Variants in RYR2 observed in about 807,000 individuals in gnomAD.
RYR2 encodes ryanodine receptor 2.
Under a neutral mutation model 601.1 loss-of-function variants are expected in RYR2, and 227 were observed. The observed-to-expected ratio is 0.38, with a 90% CI of 0.34 to 0.42. RYR2 has a LOEUF of 0.42. Ranked by LOEUF, RYR2 falls within the 10% of genes least tolerant of loss-of-function variation. The pLI is 1.00. For synonymous variants in RYR2, 2,223 were observed against 2,175.1 expected, an observed-to-expected ratio of 1.02 and a Z score of -0.61; for missense variants, 4,646 against 6,156.5, an observed-to-expected ratio of 0.75 and a Z score of 8.21.
In RYR2 at chr1:237,281,005, G is replaced by C. The variant is rs1572457909; in HGVS notation, c.168+10389G>C. ...TCACCATGTTGGCCAAGCTGGTCTC[G>C]AACTCCTGACCTTAGGTGATCCGCC... On this transcript the variant is annotated intron_variant, in intron 2 of 104. Coordinates refer to ENST00000366574, the MANE Select transcript of RYR2 (RefSeq NM_001035.3). 2.0e-5 allele frequency among the ~76,000 whole-genome samples: 3 copies of C among 151,960 alleles called. 1 individual carries two copies. In the South Asian group the frequency reaches 6.3e-4, roughly 32 times the overall value.
intron 2 of RYR2, among the ~76,000 whole-genome samples, chr1:237,303,794 A>G (rs1335893303): frequency 6.6e-6 from 1 of 152,084 alleles, no homozygotes; most frequent in Non-Finnish European, 1.5e-5. Flanking sequence ...GTGATAACTC[A>G]AATACATTTG....
chr1:237,283,648 A>G (rs533322749), intron 2 of RYR2, among the ~76,000 whole-genome samples: 4 of 152,226 alleles, frequency 2.6e-5, no homozygotes, highest in Non-Finnish European at 4.4e-5. Flanking sequence ...CAAAGAATAC[A>G]CAGCCACTGT....
intron 22 of RYR2, among the ~76,000 whole-genome samples, chr1:237,505,210 A>G (rs1382526194): frequency 6.6e-6 from 1 of 152,216 alleles, no homozygotes; most frequent in Non-Finnish European, 1.5e-5. Flanking sequence ...TTACTTGGCA[A>G]ATAGTCACCC....
At chr1:237,353,202 AC>A (rs142523346) in intron 3 of RYR2, among the ~76,000 whole-genome samples, 18,731 of 152,060 alleles carry the variant, frequency 0.12, 1,449 homozygotes, top group East Asian at 0.33. Context: ...AAGCAAGCAA[AC>A]TTTTTTTAAA....
chr1:237,650,784 G>C (rs1485757297), intron 50 of RYR2, among the ~76,000 whole-genome samples: 2 of 152,220 alleles, frequency 1.3e-5, no homozygotes, highest in Non-Finnish European at 2.9e-5. Context: ...ATGGGGGAGT[G>C]TCTGGGTTGA....
intron 24 of RYR2, among the ~76,000 whole-genome samples, chr1:237,527,966 C>T (rs12061334): frequency 0.07 from 10,717 of 152,240 alleles, 449 homozygotes; most frequent in Middle Eastern, 0.17. Flanking sequence ...GTCCCCCTGG[C>T]CCATGCTGTA....
intron 1 of RYR2, among the ~76,000 whole-genome samples, chr1:237,218,581 T>C (rs1252559340): frequency 2.0e-5 from 3 of 152,198 alleles, no homozygotes; most frequent in Non-Finnish European, 2.9e-5. Flanking sequence ...CAAAAAAATT[T>C]CTTTCAACTT....
At chr1:237,503,624 G>A in intron 22 of RYR2, 119 bp downstream of exon 22, 1 of 842,926 alleles carries the variant, frequency 1.2e-6, no homozygotes, top group Non-Finnish European at 1.9e-6. Flanking sequence ...TTGTACAGTT[G>A]ACATGTAGGA....
chr1:237,562,768 C>T (rs1671582347), intron 27 of RYR2, among the ~76,000 whole-genome samples: 1 of 152,020 alleles, frequency 6.6e-6, no homozygotes, highest in African/African-American at 2.4e-5. Flanking sequence ...ATAAATATAT[C>T]GTGTTTAAAA....
At chr1:237,393,158 G>T (rs1458389468) in intron 10 of RYR2, among the ~76,000 whole-genome samples, 2 of 152,060 alleles carry the variant, frequency 1.3e-5, no homozygotes, top group Non-Finnish European at 2.9e-5. Flanking sequence ...GAGAAAGCTT[G>T]TTCTTCTTCC....
Position 237,778,770 on chromosome 1 carries a change from G to A in RYR2, c.11880G>A (p.Gln3960=). The change falls in exon 88 of 105, where the codon CAG becomes CAA. Residue 3960 remains glutamine (Q), a splice_region_variant and synonymous_variant. Coordinates refer to ENST00000366574, the MANE Select transcript of RYR2 (RefSeq NM_001035.3). ...CCCATATGCAGATGAAGCTGTCGCAGGTAAACTAACTAACTGCCTTCCTCT... is the reference window on the plus strand; with the variant it reads ...CCCATATGCAGATGAAGCTGTCGCAAGTAAACTAACTAACTGCCTTCCTCT... ...VFAHMQMKLS[Q]DSSQIELLKE... 1 of 1,551,336 alleles carries A rather than the reference G, an allele frequency of 6.4e-7. No homozygotes were observed. The highest frequency in any genetic ancestry group is 8.9e-7 in the Non-Finnish European group (1 of 1,123,192).
chr1:237,318,854 C>T (rs1695344955), intron 2 of RYR2, among the ~76,000 whole-genome samples: 2 of 152,092 alleles, frequency 1.3e-5, no homozygotes, highest in Non-Finnish European at 2.9e-5. Flanking sequence ...TATTTTTCAT[C>T]AAATTGGAAG....
At chr1:237,577,179 A>G (rs1673314086) in intron 29 of RYR2, among the ~76,000 whole-genome samples, 1 of 152,318 alleles carries the variant, frequency 6.6e-6, no homozygotes, top group Admixed American at 6.5e-5. Flanking sequence ...ACTATTCACA[A>G]TTGCCAAAGC....
intron 42 of RYR2, among the ~76,000 whole-genome samples, chr1:237,631,853 C>T (rs561581238): frequency 1.3e-3 from 157 of 120,306 alleles, no homozygotes; most frequent in Non-Finnish European, 2.0e-3. Flanking sequence ...TGGTCTCGAT[C>T]TCCTGACCTC....
intron 17 of RYR2, among the ~76,000 whole-genome samples, chr1:237,484,113 C>T (rs551545944): frequency 9.9e-4 from 150 of 152,228 alleles, no homozygotes; most frequent in African/African-American, 3.4e-3. Flanking sequence ...GAAAGGGTTT[C>T]CATGTCATGA....
chr1:237,355,591 C>A (rs1434541049), intron 3 of RYR2, among the ~76,000 whole-genome samples: 1 of 152,084 alleles, frequency 6.6e-6, no homozygotes, highest in Non-Finnish European at 1.5e-5. Flanking sequence ...CTAAATTGAT[C>A]TTTTTAATTA....
At position 237,614,138 on chromosome 1, in the gene RYR2, C is replaced by T. The variant is rs562273071; in HGVS notation, c.5010C>T (p.His1670=). The T allele has an allele frequency of 5.6e-6, 9 of 1,614,042 alleles. No individual in the cohort carries two copies. The South Asian group carries it at 7.7e-5, about 14-fold the overall frequency. ...CAGCCGTCTGTGCTCTTGGGAACCACCGGGTGGCCCATGCCCTGTGCAGCC... is the reference window on the plus strand; with the variant it reads ...CAGCCGTCTGTGCTCTTGGGAACCATCGGGTGGCCCATGCCCTGTGCAGCC... ...LYSAVCALGN[H]RVAHALCSHV... is the part of the protein sequence containing the mutation. The change falls in exon 37 of 105, where the codon CAC becomes CAT. Residue 1670 remains histidine (H), a synonymous_variant. Coordinates refer to ENST00000366574, the MANE Select transcript of RYR2 (RefSeq NM_001035.3). The surrounding 1 kb of genome is among the most constrained non-coding windows in gnomAD (Gnocchi z 4.3).
chr1:237,468,952 G>GT, intron 16 of RYR2, 140 bp from the exon 17 acceptor site: 2 of 636,684 alleles, frequency 3.1e-6, no homozygotes, highest in South Asian at 1.9e-5. Context: ...ATATGTACGT[G>GT]TATGTATGTT....
At chr1:237,390,625 G>A (rs1224098504) in intron 10 of RYR2, among the ~76,000 whole-genome samples, 1 of 152,174 alleles carries the variant, frequency 6.6e-6, no homozygotes, top group African/African-American at 2.4e-5. Context: ...GCAGAGCATA[G>A]ACTTTGTAGG....
Sources: gnomAD v4.1 joint callset for allele counts (sites outside exome capture counted in the v4.1 genomes callset) on GRCh38, gnomAD v4.1.1 for gene constraint, Gnocchi (gnomAD v3.1) non-coding constraint, MANE v1.5 for transcripts, NCBI Gene and HGNC (gene_info 2026-07-23, HGNC 2026-07-21) for gene names.